Variants in C1GALT1 observed in about 807,000 individuals in gnomAD.
C1GALT1 encodes core 1 synthase, glycoprotein-N-acetylgalactosamine 3-beta-galactosyltransferase 1.
Under a neutral mutation model 31.0 loss-of-function variants are expected in C1GALT1, and 11 were observed. The observed-to-expected ratio is 0.36, with a 90% confidence interval of 0.22 to 0.59. C1GALT1 has a LOEUF of 0.59. Among genes scored for constraint, C1GALT1 ranks in the 20% least tolerant of loss-of-function variants. The pLI, the probability that C1GALT1 is intolerant of heterozygous loss-of-function variation, is 0.79. For missense variants in C1GALT1, 424 were observed against 425.2 expected, an observed-to-expected ratio of 1.00 and a Z score of 0.03; for synonymous variants, 175 against 143.6, an observed-to-expected ratio of 1.22 and a Z score of -1.56.
At chr7:7,205,460 A>T (rs1423328413) in intron 1 of C1GALT1, among the ~76,000 whole-genome samples, 1 of 152,208 alleles carries the variant, frequency 6.6e-6, no homozygotes, top group African/African-American at 2.4e-5. Context: ...AAGTGGAAGT[A>T]GATAATCATG....
intron 3 of C1GALT1, among the ~76,000 whole-genome samples, chr7:7,240,862 A>G (rs556785364): frequency 6.6e-6 from 1 of 152,210 alleles, no homozygotes; most frequent in South Asian, 2.1e-4. Flanking sequence ...ATGAGTTTAA[A>G]TCTTATACAT....
intron 2 of C1GALT1, among the ~76,000 whole-genome samples, chr7:7,176,225 T>C (rs1182976103): frequency 2.0e-5 from 3 of 151,864 alleles, no homozygotes; most frequent in African/African-American, 7.3e-5. Flanking sequence ...GGAGGATGAA[T>C]AGAAACAAGA....
chr7:7,186,825 C>G lies in C1GALT1; in HGVS notation c.-18+4005C>G, dbSNP rs550970301. ...TTGCTGCTGTTTGTTCATTTTTGAC[C>G]TACAAAAACACCAAATACTGGGGAG... On this transcript the variant is annotated intron_variant, in intron 1 of 3. Coordinates refer to ENST00000436587, the MANE Select transcript of C1GALT1 (RefSeq NM_020156.5). 2.6e-5 allele frequency among the ~76,000 whole-genome samples: 4 copies of G among 152,246 alleles called. No individual in the cohort carries two copies. The South Asian group carries it at 8.3e-4, about 32-fold the overall frequency.
chr7:7,205,526 T>G (rs1331807454), intron 1 of C1GALT1, among the ~76,000 whole-genome samples: 1 of 152,182 alleles, frequency 6.6e-6, no homozygotes, highest in Non-Finnish European at 1.5e-5. Context: ...AGGATTGGTC[T>G]TGATGTCTTC....
chr7:7,248,273 A>G lies in C1GALT1; in HGVS notation c.*4546A>G, dbSNP rs1315781639. On this transcript the variant is annotated 3_prime_UTR_variant, in exon 4 of 4. Transcript: ENST00000436587. ...AAGTTTTAGAGTTGAATTTTGCTCT[A>G]TTTCAACTCCCTTACCTCTCTAGTT... is the stretch of plus-strand genomic sequence containing the variant. The G allele has an allele frequency of 1.3e-5, 2 of 151,954 alleles. No homozygotes were observed. The highest frequency in any genetic ancestry group is 3.2e-3 in the Middle Eastern group (1 of 316). The allele number at this position is 151,954 out of a possible 1,614,324, so 9.4% of individuals were successfully genotyped here. A position where few individuals can be genotyped will look rare whatever the true frequency, so the allele number is the denominator to read the frequency against.
chr7:7,210,040 A>G (rs1781919080), intron 1 of C1GALT1, among the ~76,000 whole-genome samples: 2 of 152,068 alleles, frequency 1.3e-5, no homozygotes, highest in South Asian at 4.1e-4. Context: ...TAAGGGAGGA[A>G]CAGGCCATTT....
chr7:7,237,200 T>G (rs1783401490), intron 2 of C1GALT1, among the ~76,000 whole-genome samples: 1 of 152,076 alleles, frequency 6.6e-6, no homozygotes, highest in Non-Finnish European at 1.5e-5. Context: ...AGACCTCTTT[T>G]AGAAATAAAA....
intron 2 of C1GALT1, among the ~76,000 whole-genome samples, chr7:7,174,089 C>A (rs1161102162): frequency 6.6e-6 from 1 of 152,004 alleles, no homozygotes; most frequent in Non-Finnish European, 1.5e-5. Flanking sequence ...CCCCACACGG[C>A]CTTTCCTCGT....
At chr7:7,219,130 G>T (rs963424211) in intron 1 of C1GALT1, among the ~76,000 whole-genome samples, 6 of 152,124 alleles carry the variant, frequency 3.9e-5, no homozygotes, top group Non-Finnish European at 7.3e-5. Context: ...GAGCCACTGC[G>T]CCTGGCATGG....
At chr7:7,173,188 A>C (rs1032171434) in intron 2 of C1GALT1, among the ~76,000 whole-genome samples, 1 of 152,012 alleles carries the variant, frequency 6.6e-6, no homozygotes. Flanking sequence ...CCTTGGTAAT[A>C]AGTGAGTTCT....
intron 2 of C1GALT1, among the ~76,000 whole-genome samples, chr7:7,158,591 T>C (rs1270111903): frequency 6.6e-6 from 1 of 150,558 alleles, no homozygotes; most frequent in African/African-American, 2.4e-5. Context: ...TATATATTTA[T>C]ATATTATATA....
intron 1 of C1GALT1, among the ~76,000 whole-genome samples, chr7:7,203,853 ATAT>A (rs1399876082): frequency 2.0e-5 from 3 of 146,626 alleles, no homozygotes; most frequent in African/African-American, 7.6e-5. Context: ...GTTTGAAACT[ATAT>A]TATTATTGTT....
intron 1 of C1GALT1, among the ~76,000 whole-genome samples, chr7:7,213,194 CT>C (rs1476452240): frequency 6.6e-6 from 1 of 152,084 alleles, no homozygotes; most frequent in Non-Finnish European, 1.5e-5. Flanking sequence ...TATTAAAAAC[CT>C]GCAGTTAAAG....
upstream of C1GALT1, among the ~76,000 whole-genome samples, chr7:7,179,051 T>C (rs556794417): frequency 6.6e-6 from 1 of 152,302 alleles, no homozygotes; most frequent in South Asian, 2.1e-4. Flanking sequence ...CTCACATGGC[T>C]CTTGTCAGAA....
chr7:7,216,660 C>G (rs1481495642), intron 1 of C1GALT1, among the ~76,000 whole-genome samples: 1 of 152,216 alleles, frequency 6.6e-6, no homozygotes, highest in Non-Finnish European at 1.5e-5. Context: ...ACTTCCCTTA[C>G]TAATTAAGTA....
chr7:7,234,376 A>G lies in C1GALT1; in HGVS notation c.57A>G (p.Gly19=), dbSNP rs1783238207. 6.2e-7 allele frequency: 1 copy of G among 1,613,930 alleles called. No individual in the cohort carries two copies. The highest frequency in any genetic ancestry group is 1.1e-5 in the South Asian group (1 of 91,076). ...CCTTCCTCTGTGGATCAGCAATAGG[A>G]TTTCTTTTATGTTCTCAGCTATTTA... ...FLTFLCGSAI[G]FLLCSQLFSI... Residue 19 remains glycine, a synonymous_variant, in exon 2 of 4, where the codon GGA becomes GGG. Coordinates refer to ENST00000436587, the MANE Select transcript of C1GALT1 (RefSeq NM_020156.5).
chr7:7,192,461 T>A (rs373195410), intron 1 of C1GALT1, among the ~76,000 whole-genome samples: 1 of 152,280 alleles, frequency 6.6e-6, no homozygotes, highest in East Asian at 1.9e-4. Flanking sequence ...TTGCTGTGAA[T>A]GCCATTATTT....
intron 1 of C1GALT1, among the ~76,000 whole-genome samples, chr7:7,229,618 G>A (rs1252300953): frequency 6.6e-6 from 1 of 152,116 alleles, no homozygotes; most frequent in African/African-American, 2.4e-5. Flanking sequence ...TTTCTGGTTA[G>A]AGCAAGGTCT....
rs538759137 is a variant in C1GALT1 at position 7,184,748 on chromosome 7, G to C, written c.-18+1928G>C. Among the ~76,000 whole-genome samples, 34 of 152,324 alleles carry C rather than the reference G, an allele frequency of 2.2e-4. No individual in the cohort carries two copies. The East Asian group carries it at 5.8e-3, about 26-fold the overall frequency. ...AAGCTTGATGCTGAAATTAAATTCA[G>C]ATAGGCTTAAAAGTTTAAGCTTCCC... is the stretch of plus-strand genomic sequence containing the variant. On this transcript the variant is annotated intron_variant, in intron 1 of 3. Transcript: ENST00000436587.
Sources: gnomAD v4.1 joint callset for allele counts (sites outside exome capture counted in the v4.1 genomes callset) on GRCh38, gnomAD v4.1.1 for gene constraint, MANE v1.5 for transcripts, NCBI Gene and HGNC (gene_info 2026-07-23, HGNC 2026-07-21) for gene names.